CTNNA3: variants seen among roughly 807,000 people sequenced by gnomAD.
CTNNA3 encodes the protein catenin alpha 3.
In CTNNA3, 76 loss-of-function variants were observed where a neutral mutation model predicts 95.7. That is an observed-to-expected ratio of 0.79 (90% CI 0.66 to 0.96). CTNNA3 has a LOEUF of 0.96. Among genes scored for constraint, CTNNA3 ranks in the 40% least tolerant of loss-of-function variants. The pLI is 0.00. For missense variants in CTNNA3, 1,191 were observed against 1,089.8 expected (o/e 1.09, Z -1.31); for synonymous variants, 431 against 374.4 (o/e 1.15, Z -1.74).
chr10:66,123,450 A>G (rs1009263972), intron 13 of CTNNA3, among the ~76,000 whole-genome samples: 3 of 152,054 alleles, frequency 2.0e-5, no homozygotes. Context: ...ATGGGCTGGC[A>G]TTGAGTGTGG....
chr10:66,672,057 C>G (rs1252929922), intron 9 of CTNNA3, among the ~76,000 whole-genome samples: 1 of 152,106 alleles, frequency 6.6e-6, no homozygotes, highest in Non-Finnish European at 1.5e-5. Context: ...CAGCCTTGGC[C>G]TCAGTAGAAC....
chr10:66,129,324 C>A (rs1480078017), intron 13 of CTNNA3, among the ~76,000 whole-genome samples: 2 of 152,116 alleles, frequency 1.3e-5, no homozygotes, highest in African/African-American at 2.4e-5. Flanking sequence ...AAGCTACTCT[C>A]ACATTGGGCC....
intron 5 of CTNNA3, among the ~76,000 whole-genome samples, chr10:67,477,619 C>T (rs1848069004): frequency 3.3e-5 from 5 of 152,104 alleles, no homozygotes; most frequent in Non-Finnish European, 7.4e-5. Flanking sequence ...TACAGTCACA[C>T]TTCCTAAGAA....
chr10:66,096,193 C>T (rs2081379633), intron 14 of CTNNA3, among the ~76,000 whole-genome samples: 1 of 152,146 alleles, frequency 6.6e-6, no homozygotes, highest in African/African-American at 2.4e-5. Flanking sequence ...TAATTCAGTG[C>T]TAACAAATTC....
At chr10:67,231,241 G>C (rs1000872665) in intron 5 of CTNNA3, among the ~76,000 whole-genome samples, 1 of 152,254 alleles carries the variant, frequency 6.6e-6, no homozygotes, top group Non-Finnish European at 1.5e-5. Flanking sequence ...CAAACAGAAA[G>C]ACAGCAGTAA....
chr10:66,197,607 C>CA (rs1440984934), intron 13 of CTNNA3, among the ~76,000 whole-genome samples: 1 of 152,086 alleles, frequency 6.6e-6, no homozygotes, highest in African/African-American at 2.4e-5. Flanking sequence ...TAATATAAAT[C>CA]AATATGTGGA....
chr10:66,789,718 A>G (rs1840893118), intron 7 of CTNNA3, among the ~76,000 whole-genome samples: 1 of 152,076 alleles, frequency 6.6e-6, no homozygotes, highest in Non-Finnish European at 1.5e-5. Flanking sequence ...ATAGGCGGAT[A>G]TTGTGTATGA....
chr10:66,713,418 G>A (rs533856798), intron 9 of CTNNA3, among the ~76,000 whole-genome samples: 85 of 152,150 alleles, frequency 5.6e-4, no homozygotes, highest in African/African-American at 2.0e-3. Context: ...TTAGAGTGTG[G>A]TTCCTGGCAG....
chr10:67,590,392 C>T (rs79114943), intron 3 of CTNNA3, among the ~76,000 whole-genome samples: 2 of 152,208 alleles, frequency 1.3e-5, no homozygotes, highest in East Asian at 1.9e-4. Flanking sequence ...ACACCACCAC[C>T]ACCAGAAATG....
intron 3 of CTNNA3, among the ~76,000 whole-genome samples, chr10:67,569,295 T>C (rs1841910148): frequency 6.6e-6 from 1 of 152,192 alleles, no homozygotes; most frequent in Non-Finnish European, 1.5e-5. Flanking sequence ...ACTTAATATG[T>C]GTGCATAGCC....
intron 7 of CTNNA3, among the ~76,000 whole-genome samples, chr10:66,996,669 A>AAAAAAAAAAAAAAC (rs1851369814): frequency 6.6e-6 from 1 of 150,790 alleles, no homozygotes; most frequent in African/African-American, 2.4e-5. Context: ...AAAAAAAAAA[A>AAAAAAAAAAAAAAC]AAGCATGTTT....
At chr10:66,969,530 C>A (rs1021168789) in intron 7 of CTNNA3, among the ~76,000 whole-genome samples, 2 of 152,040 alleles carry the variant, frequency 1.3e-5, no homozygotes, top group African/African-American at 4.8e-5. Flanking sequence ...TTTTTATATG[C>A]CAAATTGCTG....
chr10:66,731,340 T>C (rs1279648495), intron 9 of CTNNA3, among the ~76,000 whole-genome samples: 1 of 152,198 alleles, frequency 6.6e-6, no homozygotes, highest in Non-Finnish European at 1.5e-5. Context: ...TTGGCTTAGT[T>C]CAATTAGCAC....
At chr10:66,615,188 C>A (rs1844467063) in intron 10 of CTNNA3, among the ~76,000 whole-genome samples, 1 of 151,940 alleles carries the variant, frequency 6.6e-6, no homozygotes, top group South Asian at 2.1e-4. Context: ...TTGAAAATTT[C>A]CTTCTATTTC....
At chr10:66,024,671 C>A (rs10509257) in intron 15 of CTNNA3, among the ~76,000 whole-genome samples, 16,369 of 152,128 alleles carry the variant, frequency 0.11, 1,048 homozygotes, top group Non-Finnish European at 0.15. Flanking sequence ...TAAACAATGG[C>A]TGGATTAAGA....
intron 9 of CTNNA3, among the ~76,000 whole-genome samples, chr10:66,726,438 A>G (rs1848784212): frequency 6.6e-6 from 1 of 152,122 alleles, no homozygotes; most frequent in African/African-American, 2.4e-5. Context: ...GGACTACATT[A>G]ATAAAGTTCC....
At chr10:65,947,852 A>T (rs1339553114) in intron 17 of CTNNA3, among the ~76,000 whole-genome samples, 1 of 152,248 alleles carries the variant, frequency 6.6e-6, no homozygotes, top group African/African-American at 2.4e-5. Context: ...TGAGAGCCTG[A>T]GGCTAGCATA....
chr10:67,546,247 T>A (rs1840841266), intron 3 of CTNNA3, among the ~76,000 whole-genome samples: 2 of 152,106 alleles, frequency 1.3e-5, no homozygotes, highest in Non-Finnish European at 2.9e-5. Flanking sequence ...TCCTCCTGCC[T>A]CAGCCTTCCA....
chr10:66,845,729 A>AAAAAAAAAC (rs1297933220), intron 7 of CTNNA3, among the ~76,000 whole-genome samples: 5 of 87,764 alleles, frequency 5.7e-5, no homozygotes, highest in Admixed American at 1.3e-4. Context: ...AAAAAAAAAA[A>AAAAAAAAAC]CTAAAAAGGT....
Sources: gnomAD v4.1 joint callset for allele counts (sites outside exome capture counted in the v4.1 genomes callset) on GRCh38, gnomAD v4.1.1 for gene constraint, MANE v1.5 for transcripts, NCBI Gene and HGNC (gene_info 2026-07-23, HGNC 2026-07-21) for gene names.